The following SYT6 variants were observed in gnomAD, a reference collection of about 807,000 sequenced individuals.
The protein encoded by SYT6 is synaptotagmin 6, also known as synaptotagmin-6.
In SYT6, 24 loss-of-function variants were observed where a neutral mutation model predicts 38.4. That is an observed-to-expected ratio of 0.62 (90% CI 0.45 to 0.88). The LOEUF (loss-of-function observed/expected upper bound fraction) is 0.88. Ranked by LOEUF, SYT6 falls within the 40% of genes least tolerant of loss-of-function variation. SYT6 has a pLI of 0.00. For synonymous variants in SYT6, 265 were observed against 241.9 expected (o/e 1.10, Z -0.89); for missense variants, 611 against 621.0 (o/e 0.98, Z 0.17).
intron 3 of SYT6, among the ~76,000 whole-genome samples, chr1:114,116,750 A>G (rs1274867250): frequency 6.6e-6 from 1 of 152,180 alleles, no homozygotes; most frequent in Admixed American, 6.5e-5. Context: ...TTAACAATCA[A>G]TGCCTCTTTT....
intron 3 of SYT6, among the ~76,000 whole-genome samples, chr1:114,136,859 T>C (rs1678510362): frequency 6.6e-6 from 1 of 152,180 alleles, no homozygotes; most frequent in Non-Finnish European, 1.5e-5. Context: ...TTGCCCCTTC[T>C]CCCTTGATAT....
intron 3 of SYT6, among the ~76,000 whole-genome samples, chr1:114,118,339 T>C (rs1677128132): frequency 6.6e-6 from 1 of 152,198 alleles, no homozygotes; most frequent in Non-Finnish European, 1.5e-5. Flanking sequence ...TAATAGTTAT[T>C]TCCTCCCTTC....
chr1:114,098,676 C>A (rs1027910084), intron 5 of SYT6, among the ~76,000 whole-genome samples: 1 of 152,060 alleles, frequency 6.6e-6, no homozygotes, highest in Non-Finnish European at 1.5e-5. Flanking sequence ...GTATGTTGAC[C>A]GAATTGTGGC....
chr1:114,106,095 G>A (rs1676294867), intron 3 of SYT6, among the ~76,000 whole-genome samples: 1 of 152,160 alleles, frequency 6.6e-6, no homozygotes, highest in Non-Finnish European at 1.5e-5. Flanking sequence ...GCCCTGGCAT[G>A]GGTCCTGCGG....
chr1:114,149,240 T>TGTGCGCGCA (rs369263313), intron 1 of SYT6, among the ~76,000 whole-genome samples: 1 of 146,888 alleles, frequency 6.8e-6, no homozygotes, highest in East Asian at 2.0e-4. Flanking sequence ...TGTGTGTGTG[T>TGTGCGCGCA]TGGGAGAACA....
At chr1:114,144,232 C>G (rs1679040459) in intron 1 of SYT6, among the ~76,000 whole-genome samples, 1 of 152,212 alleles carries the variant, frequency 6.6e-6, no homozygotes, top group Non-Finnish European at 1.5e-5. Flanking sequence ...CCAGCTCAAC[C>G]CTCCACTTCC....
At chr1:114,108,022 G>A (rs571980912) in intron 3 of SYT6, among the ~76,000 whole-genome samples, 1 of 152,308 alleles carries the variant, frequency 6.6e-6, no homozygotes, top group Admixed American at 6.5e-5. Context: ...TAGCCCTCTA[G>A]ACTTCTAACC....
intron 7 of SYT6, among the ~76,000 whole-genome samples, 179 bp from the exon 8 acceptor site, chr1:114,092,261 A>G (rs17032288): frequency 0.019 from 2,919 of 151,900 alleles, 89 homozygotes; most frequent in African/African-American, 0.067. Context: ...CTAGTTTGGA[A>G]TACCTGATTT....
At chr1:114,131,610 A>T (rs1487986897) in intron 3 of SYT6, among the ~76,000 whole-genome samples, 2 of 152,154 alleles carry the variant, frequency 1.3e-5, no homozygotes, top group Non-Finnish European at 2.9e-5. Flanking sequence ...CATCCCCTAC[A>T]GTCCTTGTCA....
intron 3 of SYT6, among the ~76,000 whole-genome samples, chr1:114,120,401 T>G (rs633255): frequency 6.6e-6 from 1 of 151,532 alleles, no homozygotes; most frequent in East Asian, 1.9e-4. Context: ...TCAAGTCAGT[T>G]GTGTGGCAGG....
intron 4 of SYT6, among the ~76,000 whole-genome samples, chr1:114,102,291 G>C (rs577074003): frequency 6.6e-6 from 1 of 152,306 alleles, no homozygotes; most frequent in South Asian, 2.1e-4. Flanking sequence ...GCTTTTCCCA[G>C]GCCAGAAGAG....
intron 1 of SYT6, among the ~76,000 whole-genome samples, chr1:114,148,089 G>T (rs910338381): frequency 8.5e-5 from 13 of 152,170 alleles, no homozygotes; most frequent in African/African-American, 3.1e-4. Context: ...GAGACTGTCT[G>T]GTTGGGGTGA....
chr1:114,117,792 A>G (rs187114155), intron 3 of SYT6, among the ~76,000 whole-genome samples: 1 of 152,348 alleles, frequency 6.6e-6, no homozygotes, highest in East Asian at 1.9e-4. Context: ...GTAGAATGAT[A>G]TGGGGCAAGT....
At chr1:114,117,975 C>A (rs1677097679) in intron 3 of SYT6, among the ~76,000 whole-genome samples, 1 of 152,204 alleles carries the variant, frequency 6.6e-6, no homozygotes, top group Non-Finnish European at 1.5e-5. Flanking sequence ...ACTTTCGGGC[C>A]CCTTCCTGTT....
intron 3 of SYT6, among the ~76,000 whole-genome samples, chr1:114,110,733 G>A (rs1396954075): frequency 6.6e-6 from 1 of 152,160 alleles, no homozygotes; most frequent in African/African-American, 2.4e-5. Flanking sequence ...TTCCCAAGCT[G>A]CACAGCTTCT....
At chr1:114,119,121 G>A (rs1260119710) in intron 3 of SYT6, among the ~76,000 whole-genome samples, 1 of 152,176 alleles carries the variant, frequency 6.6e-6, no homozygotes, top group East Asian at 1.9e-4. Context: ...GAAGTGTAAA[G>A]CCCTCTCTGG....
intron 3 of SYT6, among the ~76,000 whole-genome samples, chr1:114,107,871 C>A (rs576695601): frequency 1.3e-5 from 2 of 152,162 alleles, no homozygotes; most frequent in African/African-American, 4.8e-5. Context: ...AAGGGGTGAC[C>A]AGGGGCTTCA....
chr1:114,120,592 T>A (rs773220198), intron 3 of SYT6, among the ~76,000 whole-genome samples: 5 of 152,200 alleles, frequency 3.3e-5, no homozygotes, highest in Non-Finnish European at 5.9e-5. Flanking sequence ...GCAAAATAAA[T>A]AAACGTTTTT....
chr1:114,153,329 G>A (rs1230748188), intron 1 of SYT6, among the ~76,000 whole-genome samples: 1 of 152,226 alleles, frequency 6.6e-6, no homozygotes, highest in Non-Finnish European at 1.5e-5. Context: ...AAGCCCCAAG[G>A]GTGCCCCGTC....
Sources: gnomAD v4.1 joint callset for allele counts (sites outside exome capture counted in the v4.1 genomes callset) on GRCh38, gnomAD v4.1.1 for gene constraint, MANE v1.5 for transcripts, NCBI Gene and HGNC (gene_info 2026-07-23, HGNC 2026-07-21) for gene names.